The following SLC39A12 variants were observed in gnomAD, a reference collection of about 807,000 sequenced individuals.
SLC39A12 encodes the protein solute carrier family 39 member 12.
SLC39A12 carries 63 observed loss-of-function variants against 71.1 expected under a neutral mutation model. The observed-to-expected ratio is 0.89, with a 90% CI of 0.72 to 1.09. The LOEUF is 1.09. SLC39A12 is among the 50% of genes least tolerant of loss of function. The pLI, the probability that SLC39A12 is intolerant of heterozygous loss-of-function variation, is 0.00. For synonymous variants in SLC39A12, 351 were observed against 301.3 expected (o/e 1.16, Z -1.71); for missense variants, 892 against 812.6 (o/e 1.10, Z -1.19).
chr10:17,976,358 G>A (rs2130801689), intron 4 of SLC39A12, among the ~76,000 whole-genome samples: 1 of 152,178 alleles, frequency 6.6e-6, no homozygotes, highest in African/African-American at 2.4e-5. Context: ...GATGCTCCCA[G>A]GTAGGTGATG....
In SLC39A12 at chr10:18,041,855, GTACA is replaced by G. The variant is rs1381258462; in HGVS notation, c.1948-843_1948-840del. On this transcript the variant is annotated intron_variant, in intron 12 of 12. Transcript: ENST00000377369. The stretch of plus-strand genomic sequence containing the variant: ...CATACATATGTATACGTATATATAT[GTACA>G]TACATATGTATATGTATATATATAC... Among the ~76,000 whole-genome samples, 18 of 142,612 alleles carry G rather than the reference GTACA, an allele frequency of 1.3e-4. No homozygotes were observed. The South Asian group carries it at 3.6e-3, about 29-fold the overall frequency. 93.6% of individuals were successfully genotyped at this position (142,612 alleles called of 152,430 possible).
At chr10:17,991,504 A>C (rs2497753) in intron 8 of SLC39A12, among the ~76,000 whole-genome samples, 64 of 152,078 alleles carry the variant, frequency 4.2e-4, no homozygotes, top group Non-Finnish European at 8.5e-4. Flanking sequence ...TAATGTACTT[A>C]TTAAGACCTT....
Position 17,961,608 on chromosome 10 carries a change from A to G in SLC39A12, c.289A>G (p.Ile97Val). The G allele has an allele frequency of 6.2e-7, 1 of 1,613,610 alleles. No individual in the cohort carries two copies. Among genetic ancestry groups the G allele is most frequent in the Non-Finnish European group, 8.5e-7 (1 of 1,179,890 alleles). The change falls in exon 3 of 13, where the codon ATA becomes GTA. Residue 97 changes from isoleucine (I) to valine (V), a missense_variant. Physicochemically the swap from Ile to Val is conservative, Grantham distance 29. Coordinates refer to ENST00000377369, the MANE Select transcript of SLC39A12 (RefSeq NM_001145195.2). ...CTTTGAACCAGATGCACTATTACTA[A>G]TAGCTGGAGGAAATTTTGAAGATCA... Reference protein sequence around the residue: ...LCFEPDALLLIAGGNFEDQLR... With the variant: ...LCFEPDALLLVAGGNFEDQLR...
At chr10:17,975,227 G>GC (rs202226891) in intron 4 of SLC39A12, among the ~76,000 whole-genome samples, 3,413 of 152,108 alleles carry the variant, frequency 0.022, 116 homozygotes, top group African/African-American at 0.074. Flanking sequence ...GGAATCTCAG[G>GC]CCCCCCACCC....
chr10:18,001,105 AT>A (rs373722041), intron 11 of SLC39A12, among the ~76,000 whole-genome samples: 371 of 152,336 alleles, frequency 2.4e-3, no homozygotes, highest in African/African-American at 8.5e-3. Flanking sequence ...TCAGAGAAAT[AT>A]TTTAAAGAAT....
rs147214373 is a variant in SLC39A12, at chr10:17,972,344, G to T, written c.752-5558G>T. 2.9e-3 allele frequency among the ~76,000 whole-genome samples: 444 copies of T among 152,222 alleles called. 2 individuals carry two copies. Among genetic ancestry groups the T allele is most frequent in the African/African-American group, 0.01 (432 of 41,546 alleles). On this transcript the variant is annotated intron_variant, in intron 4 of 12. Transcript: ENST00000377369. ...TGAAATGTTCTGTAAATATATATTAGCTCCATTTGGTTGTATAGTGCAGAT... is the reference window on the plus strand; with the variant it reads ...TGAAATGTTCTGTAAATATATATTATCTCCATTTGGTTGTATAGTGCAGAT...
At chr10:17,994,786 G>C (rs1835642843) in intron 9 of SLC39A12, among the ~76,000 whole-genome samples, 1 of 152,020 alleles carries the variant, frequency 6.6e-6, no homozygotes, top group Non-Finnish European at 1.5e-5. Context: ...CTTTACTAAT[G>C]TGTAAAATTT....
chr10:17,972,366 A>G (rs1024290915), intron 4 of SLC39A12, among the ~76,000 whole-genome samples: 1 of 152,146 alleles, frequency 6.6e-6, no homozygotes. Flanking sequence ...TGTATAGTGC[A>G]GATGAAGTTT....
chr10:17,974,625 T>C (rs1835058178), intron 4 of SLC39A12, among the ~76,000 whole-genome samples: 1 of 152,218 alleles, frequency 6.6e-6, no homozygotes, highest in Non-Finnish European at 1.5e-5. Flanking sequence ...AAATGGAGTC[T>C]CTCACTCTCT....
intron 12 of SLC39A12, among the ~76,000 whole-genome samples, chr10:18,036,573 A>C (rs192468629): frequency 6.6e-6 from 1 of 151,520 alleles, no homozygotes; most frequent in Non-Finnish European, 1.5e-5. Context: ...AGATGAACCC[A>C]GTACCTCAGG....
intron 11 of SLC39A12, among the ~76,000 whole-genome samples, chr10:18,001,080 A>G (rs1212986314): frequency 6.6e-6 from 1 of 152,218 alleles, no homozygotes; most frequent in Non-Finnish European, 1.5e-5. Flanking sequence ...AGAATTCCAT[A>G]TGGGAGACAG....
chr10:18,039,557 G>A (rs181895434), intron 12 of SLC39A12, among the ~76,000 whole-genome samples: 5 of 152,110 alleles, frequency 3.3e-5, no homozygotes, highest in South Asian at 4.2e-4. Context: ...GCAAGACCTC[G>A]TCTCTACTAA....
chr10:17,972,275 A>C (rs1834994928), intron 4 of SLC39A12, among the ~76,000 whole-genome samples: 1 of 152,180 alleles, frequency 6.6e-6, no homozygotes. Context: ...CTTGAGAATC[A>C]CCCATGTGCT....
chr10:18,000,975 G>C, intron 11 of SLC39A12, 150 bp downstream of exon 11: 1 of 821,166 alleles, frequency 1.2e-6, no homozygotes, highest in Admixed American at 3.0e-5. Context: ...AGAAGAGGAG[G>C]ACTAGAAAAA....
intron 4 of SLC39A12, among the ~76,000 whole-genome samples, chr10:17,975,749 C>G (rs1177979486): frequency 1.3e-5 from 2 of 152,090 alleles, no homozygotes; most frequent in Admixed American, 1.3e-4. Flanking sequence ...ATGTAAAAGT[C>G]GCCGTCCTTG....
At chr10:18,029,892 A>G (rs1338127997) in intron 12 of SLC39A12, among the ~76,000 whole-genome samples, 2 of 151,328 alleles carry the variant, frequency 1.3e-5, no homozygotes, top group African/African-American at 4.9e-5. Flanking sequence ...AAAATGATGG[A>G]AAAAATATAT....
intron 4 of SLC39A12, among the ~76,000 whole-genome samples, chr10:17,970,072 A>G (rs945923235): frequency 1.3e-5 from 2 of 151,990 alleles, no homozygotes; most frequent in African/African-American, 4.8e-5. Flanking sequence ...TGTTCTTGGG[A>G]CCTGTGTCTA....
intron 7 of SLC39A12, 34 bp from the exon 8 acceptor site, chr10:17,991,117 C>T (rs1457610553): frequency 1.4e-6 from 2 of 1,451,604 alleles, no homozygotes; most frequent in Non-Finnish European, 1.8e-6. Flanking sequence ...CTCCATCTTT[C>T]TCTCTGCCTT....
intron 2 of SLC39A12, among the ~76,000 whole-genome samples, chr10:17,957,712 A>G (rs573021633): frequency 2.0e-4 from 31 of 152,300 alleles, no homozygotes; most frequent in African/African-American, 7.2e-4. Flanking sequence ...GTCCTCATCC[A>G]ACAGCCCCAG....
Sources: gnomAD v4.1 joint callset for allele counts (sites outside exome capture counted in the v4.1 genomes callset) on GRCh38, gnomAD v4.1.1 for gene constraint, MANE v1.5 for transcripts, NCBI Gene and HGNC (gene_info 2026-07-23, HGNC 2026-07-21) for gene names.